The following IL18RAP variants were observed in gnomAD, a reference collection of about 807,000 sequenced individuals.
IL18RAP encodes interleukin 18 receptor accessory protein.
In IL18RAP, 37 loss-of-function variants were observed where a neutral mutation model predicts 58.1. That is an observed-to-expected ratio of 0.64 (90% confidence interval 0.49 to 0.84). The LOEUF (loss-of-function observed/expected upper bound fraction) is 0.84. Among genes scored for constraint, IL18RAP ranks in the 40% least tolerant of loss-of-function variants. The pLI is 0.00. For missense variants in IL18RAP, 667 were observed against 704.8 expected (o/e 0.95, Z 0.61); for synonymous variants, 268 against 257.5 (o/e 1.04, Z -0.39).
intron 3 of IL18RAP, among the ~76,000 whole-genome samples, chr2:102,436,551 G>A (rs1433567087): frequency 3.9e-5 from 6 of 151,938 alleles, no homozygotes; most frequent in Non-Finnish European, 8.8e-5. Flanking sequence ...TGTGGCGTGG[G>A]GGAATCCCAG....
Position 102,445,229 on chromosome 2 carries a change from A to G in IL18RAP, c.961A>G (p.Ile321Val). The G allele has an allele frequency of 6.2e-7, 1 of 1,614,072 alleles. No individual in the cohort carries two copies. Among genetic ancestry groups the G allele is most frequent in the Non-Finnish European group, 8.5e-7 (1 of 1,179,930 alleles). Residue 321 changes from isoleucine to valine, a missense_variant, in exon 7 of 10, where the codon ATC becomes GTC. Ile to Val is a conservative substitution (Grantham distance 29). Coordinates refer to ENST00000687160, the MANE Select transcript of IL18RAP (RefSeq NM_001393487.1). ...TLKDEIIERN[I>V]ILEKVTQRDL... ...AAAGGATGAAATCATTGAGCGTAAT[A>G]TCATCTTGGAAAAAGTCACTCAGCG...
chr2:102,437,325 G>A lies in IL18RAP; in HGVS notation c.693G>A (p.Ser231=), dbSNP rs765493659. 1.9e-5 allele frequency: 30 copies of A among 1,613,676 alleles called. No individual in the cohort carries two copies. Among genetic ancestry groups the A allele is most frequent in the East Asian group, 2.2e-5 (1 of 44,858 alleles). Residue 231 remains serine, a synonymous_variant, in exon 4 of 10, where the codon TCG becomes TCA. Transcript: ENST00000687160. ...ACACTCAGTCGGATACTGTGAGTTCGTGGACAGTCAGAGCTGTTGTTCAAG... is the reference window on the plus strand; with the variant it reads ...ACACTCAGTCGGATACTGTGAGTTCATGGACAGTCAGAGCTGTTGTTCAAG... ...CDYTQSDTVS[S]WTVRAVVQVR... is the part of the protein sequence containing the mutation.
In IL18RAP at chr2:102,451,895, A is replaced by G. The variant is rs1274854545; in HGVS notation, c.1514A>G (p.Gln505Arg). 6.2e-7 allele frequency: 1 copy of G among 1,614,116 alleles called. No individual in the cohort carries two copies. Among genetic ancestry groups the G allele is most frequent in the African/African-American group, 1.3e-5 (1 of 74,940 alleles). Residue 505 changes from glutamine to arginine, a missense_variant, in exon 10 of 10, where the codon CAA becomes CGA. Gln to Arg is a conservative substitution (Grantham distance 43, BLOSUM62 1). Transcript: ENST00000687160. ...GCAGTGAATCTTGCCTTGGATGATC[A>G]AACACTGAAACTCATTTTAATTAAG... ...QAAVNLALDD[Q>R]TLKLILIKFC...
chr2:102,424,203 T>G (rs375136068), intron 2 of IL18RAP, 28 bp from the exon 3 acceptor site: 1 of 1,611,192 alleles, frequency 6.2e-7, no homozygotes, highest in South Asian at 1.1e-5. Flanking sequence ...AAAATATCTA[T>G]GTTCACAGGA....
chr2:102,451,103 T>C, intron 9 of IL18RAP, 82 bp downstream of exon 9: 1 of 1,156,102 alleles, frequency 8.6e-7, no homozygotes, highest in South Asian at 1.7e-5. Flanking sequence ...TCATTCTTTG[T>C]TTTGGAATAT....
intron 9 of IL18RAP, 84 bp downstream of exon 9, chr2:102,451,105 T>C: frequency 8.7e-7 from 1 of 1,153,776 alleles, no homozygotes; most frequent in Non-Finnish European, 1.2e-6. Context: ...ATTCTTTGTT[T>C]TGGAATATAG....
chr2:102,448,456 T>A (rs1355895696), intron 8 of IL18RAP, among the ~76,000 whole-genome samples: 1 of 152,224 alleles, frequency 6.6e-6, no homozygotes, highest in African/African-American at 2.4e-5. Context: ...TTGCTTCTGT[T>A]TTTTTCTAGT....
At chr2:102,442,808 G>T (rs1020270698) in intron 5 of IL18RAP, among the ~76,000 whole-genome samples, 1 of 152,106 alleles carries the variant, frequency 6.6e-6, no homozygotes, top group African/African-American at 2.4e-5. Context: ...ACAAATATTG[G>T]ATAGTAAAAT....
In IL18RAP at chr2:102,445,354, G is replaced by C; in HGVS notation, c.1072+14G>C. 2 of 1,612,970 alleles carry C rather than the reference G, an allele frequency of 1.2e-6. No homozygotes were observed. The highest frequency in any genetic ancestry group is 2.2e-5 in the East Asian group (1 of 44,848). Reference sequence around the variant, plus strand: ...AAAAGAGAGGAGGTAAGCCCAGAAGGTTGCCCAGGAGGCATGAAACTGCTT... The same window carrying C: ...AAAAGAGAGGAGGTAAGCCCAGAAGCTTGCCCAGGAGGCATGAAACTGCTT... On this transcript the variant is annotated intron_variant, in intron 7 of 9. Coordinates refer to ENST00000687160, the MANE Select transcript of IL18RAP (RefSeq NM_001393487.1).
intron 9 of IL18RAP, 151 bp from the exon 10 acceptor site, chr2:102,451,615 G>A (rs902569631): frequency 4.9e-5 from 32 of 653,084 alleles, no homozygotes; most frequent in South Asian, 3.6e-4. Context: ...ACACTGGAGC[G>A]TATCTCCAAC....
At chr2:102,451,693 A>T in intron 9 of IL18RAP, 73 bp from the exon 10 acceptor site, 1 of 1,224,298 alleles carries the variant, frequency 8.2e-7, no homozygotes, top group Non-Finnish European at 1.2e-6. Context: ...ATGTAAGAGA[A>T]TCCATTGCAA....
chr2:102,442,051 C>G (rs1001813513), intron 5 of IL18RAP, among the ~76,000 whole-genome samples: 1 of 152,140 alleles, frequency 6.6e-6, no homozygotes, highest in African/African-American at 2.4e-5. Context: ...AATTCGCCAA[C>G]CTGAGTAACA....
At chr2:102,423,720 T>G in intron 1 of IL18RAP, 91 bp from the exon 2 acceptor site, 1 of 906,822 alleles carries the variant, frequency 1.1e-6, no homozygotes, top group South Asian at 1.7e-5. Flanking sequence ...GGAAGCTAGA[T>G]CTCTTGTTAA....
chr2:102,427,564 T>C (rs1682033939), intron 3 of IL18RAP, among the ~76,000 whole-genome samples: 1 of 152,132 alleles, frequency 6.6e-6, no homozygotes. Flanking sequence ...TAAAATGGGC[T>C]ATTTGTTTTC....
intron 8 of IL18RAP, among the ~76,000 whole-genome samples, chr2:102,448,225 G>C (rs1247566947): frequency 6.6e-6 from 1 of 152,212 alleles, no homozygotes; most frequent in Non-Finnish European, 1.5e-5. Flanking sequence ...GAAGGCATTA[G>C]AGCTTGGGAT....
intron 2 of IL18RAP, 24 bp downstream of exon 2, chr2:102,424,159 C>T: frequency 1.2e-6 from 2 of 1,606,004 alleles, no homozygotes; most frequent in Non-Finnish European, 1.7e-6. Flanking sequence ...ACATTTCTAT[C>T]TGAAAACATT....
At chr2:102,447,953 C>T (rs761664276) in intron 8 of IL18RAP, among the ~76,000 whole-genome samples, 5 of 152,032 alleles carry the variant, frequency 3.3e-5, no homozygotes, top group Non-Finnish European at 5.9e-5. Context: ...AGGCTGGTCT[C>T]GAACTCCTGA....
intron 3 of IL18RAP, chr2:102,434,130 G>C (rs1030728312): frequency 6.6e-6 from 1 of 152,196 alleles, no homozygotes; most frequent in African/African-American, 2.4e-5. Flanking sequence ...TGAAGATCTG[G>C]ACAGCTTTCT....
upstream of IL18RAP, among the ~76,000 whole-genome samples, chr2:102,422,927 A>T (rs1457003732): frequency 6.6e-6 from 1 of 152,230 alleles, no homozygotes; most frequent in Non-Finnish European, 1.5e-5. Context: ...CATCAAAGAA[A>T]AAAGATTAAT....
Sources: allele counts gnomAD v4.1 joint callset (sites outside exome capture counted in the v4.1 genomes callset), GRCh38; gene constraint gnomAD v4.1.1; transcripts MANE v1.5; gene names NCBI Gene and HGNC (gene_info 2026-07-23, HGNC 2026-07-21).